The following TNPO1 variants were observed in gnomAD, a reference collection of about 807,000 sequenced individuals.
TNPO1 encodes transportin 1, also known as transportin-1.
In TNPO1, 8 loss-of-function variants were observed where a neutral mutation model predicts 119.5. The observed-to-expected ratio is 0.07, with a 90% CI of 0.04 to 0.12. The LOEUF is 0.12. Ranked by LOEUF, TNPO1 falls within the 10% of genes least tolerant of loss-of-function variation. The probability of loss-of-function intolerance (pLI) is 1.00; values close to 1 mark genes in which losing one functional copy is unlikely to be tolerated. For synonymous variants in TNPO1, 362 were observed against 363.0 expected, an observed-to-expected ratio of 1.00 and a Z score of 0.03; for missense variants, 576 against 1,089.8, an observed-to-expected ratio of 0.53 and a Z score of 6.64.
chr5:72,826,265 A>G (rs1396112447), intron 1 of TNPO1, among the ~76,000 whole-genome samples: 1 of 151,930 alleles, frequency 6.6e-6, no homozygotes, highest in African/African-American at 2.4e-5. Context: ...CTAACATACT[A>G]TATTAGGGGT....
intron 5 of TNPO1, among the ~76,000 whole-genome samples, chr5:72,863,578 A>G (rs1311278088): frequency 2.6e-5 from 4 of 152,096 alleles, no homozygotes; most frequent in Admixed American, 6.5e-5. Context: ...CCTGGCCAAC[A>G]TGGTAAAACC....
In TNPO1 at chr5:72,893,675, T is replaced by G. The variant is rs147352131; in HGVS notation, c.2115T>G (p.Ala705=). Residue 705 remains alanine (A), a synonymous_variant, in exon 18 of 25, where the codon GCT becomes GCG. Coordinates refer to ENST00000337273, the MANE Select transcript of TNPO1 (RefSeq NM_002270.4). ...CCCTGTTAGGTGACCTCACAAAAGC[T>G]TGCTTTCAGCATGTTAAGCCTTGTA... is the stretch of plus-strand genomic sequence containing the variant. ...SFALLGDLTK[A]CFQHVKPCIA... is the part of the protein sequence containing the mutation. The G allele has an allele frequency of 7.2e-5, 117 of 1,614,238 alleles. No homozygotes were observed. In the African/African-American group the frequency reaches 1.4e-3, roughly 19 times the overall value.
chr5:72,854,407 A>G (rs1162683565), intron 3 of TNPO1, among the ~76,000 whole-genome samples: 1 of 152,242 alleles, frequency 6.6e-6, no homozygotes, highest in Non-Finnish European at 1.5e-5. Context: ...AGTGCCATTC[A>G]GAGTTTGGGA....
intron 5 of TNPO1, among the ~76,000 whole-genome samples, chr5:72,863,692 C>A (rs188706112): frequency 8.9e-5 from 13 of 145,432 alleles, no homozygotes; most frequent in African/African-American, 3.3e-4. Flanking sequence ...ACCCAGGAGG[C>A]GAAGATTGCA....
chr5:72,887,945 A>G (rs1748774532), intron 12 of TNPO1, 133 bp from the exon 13 acceptor site: 2 of 794,746 alleles, frequency 2.5e-6, no homozygotes, highest in African/African-American at 1.7e-5. Context: ...TAATTTTGGT[A>G]TAGGTTATTG....
rs775849827 is a variant in TNPO1, at chr5:72,882,568, T to C, written c.981+41T>C. On this transcript the variant is annotated intron_variant, in intron 10 of 24. Coordinates refer to ENST00000337273, the MANE Select transcript of TNPO1 (RefSeq NM_002270.4). Reference sequence around the variant, plus strand: ...TGATGAATAGGGAACAAGATTTTTATATTGACTTAGTACATCTTTGGATTT... The same window carrying C: ...TGATGAATAGGGAACAAGATTTTTACATTGACTTAGTACATCTTTGGATTT... 7 of 1,433,260 alleles carry C rather than the reference T, an allele frequency of 4.9e-6. No homozygotes were observed. In the Admixed American group the frequency reaches 1.3e-4, roughly 26 times the overall value. The allele number at this position is 1,433,260 out of a possible 1,614,324, so 88.8% of individuals were successfully genotyped here. A position where few individuals can be genotyped will look rare whatever the true frequency, so the allele number is the denominator to read the frequency against.
At chr5:72,866,330 G>A (rs1240259207) in intron 6 of TNPO1, among the ~76,000 whole-genome samples, 1 of 152,084 alleles carries the variant, frequency 6.6e-6, no homozygotes, top group Admixed American at 6.5e-5. Flanking sequence ...TTATAATAAT[G>A]TTGTTATTTC....
chr5:72,861,699 G>A, intron 4 of TNPO1, 109 bp from the exon 5 acceptor site: 1 of 774,810 alleles, frequency 1.3e-6, no homozygotes, highest in South Asian at 1.7e-5. Context: ...CACCATGCCT[G>A]GCCAAATGTT....
At chr5:72,895,420 A>G (rs544391685) in intron 18 of TNPO1, among the ~76,000 whole-genome samples, 1 of 150,036 alleles carries the variant, frequency 6.7e-6, no homozygotes, top group Non-Finnish European at 1.5e-5. Flanking sequence ...ACTAGGGGCA[A>G]TTTTGCCATT....
intron 1 of TNPO1, among the ~76,000 whole-genome samples, chr5:72,819,246 A>G (rs1442367911): frequency 1.3e-5 from 2 of 152,042 alleles, no homozygotes; most frequent in Non-Finnish European, 1.5e-5. Context: ...CTTTCTAACA[A>G]CTCACCCTCA....
Position 72,890,398 on chromosome 5 carries a change from T to G in TNPO1, c.1701+441T>G, listed in dbSNP as rs558244145. Among the ~76,000 whole-genome samples, 4 of 152,242 alleles carry G rather than the reference T, an allele frequency of 2.6e-5. No individual in the cohort carries two copies. The East Asian group carries it at 5.8e-4, about 22-fold the overall frequency. ...GAAATTGGGGTAGTAGGTTTAAAAA[T>G]GCTAAATAGTAATGCAAAAGTGCCT... On this transcript the variant is annotated intron_variant, in intron 14 of 24. Coordinates refer to ENST00000337273, the MANE Select transcript of TNPO1 (RefSeq NM_002270.4).
At chr5:72,882,856 G>A (rs780208857) in intron 10 of TNPO1, among the ~76,000 whole-genome samples, 15 of 152,226 alleles carry the variant, frequency 9.9e-5, no homozygotes, top group Middle Eastern at 3.4e-3. Context: ...TGAAAGGGCC[G>A]TATAACCTAA....
Position 72,877,315 on chromosome 5 carries a change from T to G in TNPO1, c.889T>G (p.Cys297Gly). 6.2e-7 allele frequency: 1 copy of G among 1,610,636 alleles called. No homozygotes were observed. Among genetic ancestry groups the G allele is most frequent in the Non-Finnish European group, 8.5e-7 (1 of 1,177,456 alleles). Residue 297 changes from cysteine (C) to glycine (G), a missense_variant, in exon 9 of 25, where the codon TGC (cysteine) becomes GGC (glycine). Transcript: ENST00000337273. ...FWLTLAEQPI[C>G]KDVLVRHLPK... ...GCTAACTTTAGCTGAACAGCCAATA[T>G]GCAAAGATGTACTCGTAAGGCATCT...
chr5:72,901,186 AC>A (rs1160071839), intron 22 of TNPO1, 113 bp downstream of exon 22: 12 of 634,360 alleles, frequency 1.9e-5, no homozygotes, highest in Non-Finnish European at 2.6e-5. Flanking sequence ...GTATCAAAAT[AC>A]AGTTAAACCT....
intron 2 of TNPO1, among the ~76,000 whole-genome samples, chr5:72,848,726 G>T (rs1258672354): frequency 5.8e-4 from 85 of 147,024 alleles, no homozygotes; most frequent in African/African-American, 2.0e-3. Context: ...TGGGGCTCAC[G>T]CCGCCAAGGC....
intron 1 of TNPO1, among the ~76,000 whole-genome samples, chr5:72,823,181 C>T (rs1047598874): frequency 1.3e-5 from 2 of 152,088 alleles, no homozygotes; most frequent in African/African-American, 4.8e-5. Flanking sequence ...CCCACTGTTT[C>T]TAGAGGTGGG....
intron 1 of TNPO1, among the ~76,000 whole-genome samples, chr5:72,831,500 T>C (rs990562997): frequency 1.2e-4 from 18 of 152,024 alleles, no homozygotes; most frequent in African/African-American, 4.3e-4. Flanking sequence ...TTTTACTTAG[T>C]ATTTTGTAGC....
chr5:72,905,084 G>A (rs1345369206), intron 23 of TNPO1, among the ~76,000 whole-genome samples: 1 of 152,164 alleles, frequency 6.6e-6, no homozygotes, highest in African/African-American at 2.4e-5. Context: ...CCCACAACAC[G>A]TGGGAATTAT....
intron 20 of TNPO1, among the ~76,000 whole-genome samples, chr5:72,899,291 C>G (rs1158019613): frequency 1.3e-5 from 2 of 152,054 alleles, no homozygotes; most frequent in Non-Finnish European, 2.9e-5. Flanking sequence ...AGTTAGTGGA[C>G]TGTTACCTGA....
Sources: gnomAD v4.1 joint callset for allele counts (sites outside exome capture counted in the v4.1 genomes callset) on GRCh38, gnomAD v4.1.1 for gene constraint, MANE v1.5 for transcripts, NCBI Gene and HGNC (gene_info 2026-07-23, HGNC 2026-07-21) for gene names.